Variants in RBFOX1 observed in about 807,000 individuals in gnomAD.
The protein encoded by RBFOX1 is RNA binding protein fox-1 homolog 1.
RBFOX1 carries 8 observed loss-of-function variants against 57.7 expected under a neutral mutation model. That is an observed-to-expected ratio of 0.14 (90% CI 0.08 to 0.25). The LOEUF is 0.25. RBFOX1 is among the 10% of genes least tolerant of loss of function. The pLI, the probability that RBFOX1 is intolerant of heterozygous loss-of-function variation, is 1.00. For synonymous variants in RBFOX1, 326 were observed against 222.4 expected (o/e 1.47, Z -4.15); for missense variants, 611 against 548.5 (o/e 1.11, Z -1.14).
chr16:5,710,268 A>T (rs1047373295), intron 3 of RBFOX1, among the ~76,000 whole-genome samples: 1 of 152,178 alleles, frequency 6.6e-6, no homozygotes, highest in African/African-American at 2.4e-5. Context: ...ACCCAATGTC[A>T]CACAGCTTGT....
chr16:7,684,016 A>C (rs34087164), intron 14 of RBFOX1, among the ~76,000 whole-genome samples: 1 of 152,034 alleles, frequency 6.6e-6, no homozygotes, highest in African/African-American at 2.4e-5. Context: ...GTAGTATACT[A>C]TCTTTCAAGA....
At chr16:5,499,833 A>G (rs1029920370) in intron 2 of RBFOX1, among the ~76,000 whole-genome samples, 3 of 152,098 alleles carry the variant, frequency 2.0e-5, no homozygotes, top group African/African-American at 7.2e-5. Flanking sequence ...TTGGCCTCCC[A>G]AAGTGTTGGG....
rs1016241776 is a variant in RBFOX1, at chr16:6,400,956, T to A, written c.-64+83899T>A. 2.0e-5 allele frequency among the ~76,000 whole-genome samples: 3 copies of A among 152,198 alleles called. No individual in the cohort carries two copies. The South Asian group carries it at 6.2e-4, about 32-fold the overall frequency. On this transcript the variant is annotated intron_variant, in intron 2 of 15. Transcript: ENST00000550418. ...TGGATTGAAATTGGAGCTATCAGTA[T>A]CAATTTAGTTTTTTTAAAGTATATA... is the stretch of plus-strand genomic sequence containing the variant.
intron 1 of RBFOX1, among the ~76,000 whole-genome samples, chr16:6,156,479 G>A (rs2096839317): frequency 6.6e-6 from 1 of 152,192 alleles, no homozygotes; most frequent in African/African-American, 2.4e-5. Flanking sequence ...GATGGGGCAT[G>A]CCCTTGAGAA....
chr16:6,330,797 T>C (rs1402694114), intron 2 of RBFOX1, among the ~76,000 whole-genome samples: 1 of 152,208 alleles, frequency 6.6e-6, no homozygotes. Flanking sequence ...GATAAGAATG[T>C]ATGCAGTGTG....
At chr16:6,410,952 G>A (rs1163553188) in intron 2 of RBFOX1, among the ~76,000 whole-genome samples, 1 of 152,142 alleles carries the variant, frequency 6.6e-6, no homozygotes, top group East Asian at 1.9e-4. Flanking sequence ...GGACACAGCA[G>A]GCATTACCTG....
intron 3 of RBFOX1, among the ~76,000 whole-genome samples, chr16:5,641,641 T>C (rs926335975): frequency 6.6e-6 from 1 of 152,146 alleles, no homozygotes; most frequent in Non-Finnish European, 1.5e-5. Context: ...GGCACTGCAG[T>C]GGCCTGGGGA....
Position 7,455,095 on chromosome 16 carries a change from CA to C in RBFOX1, c.28-63051del, listed in dbSNP as rs1188778273. On this transcript the variant is annotated intron_variant, in intron 4 of 15. Coordinates refer to ENST00000550418, the MANE Select transcript of RBFOX1 (RefSeq NM_018723.4). The stretch of plus-strand genomic sequence containing the variant: ...CAACGGATTCGATAGCAAACCAGAC[CA>C]TTGTATTTTCTGCCATCTTGAAGCC... Among the ~76,000 whole-genome samples the C allele has an allele frequency of 5.3e-5, 8 of 152,264 alleles. No individual in the cohort carries two copies. The East Asian group carries it at 1.5e-3, about 29-fold the overall frequency.
chr16:6,996,183 A>G (rs1003683738), intron 3 of RBFOX1, among the ~76,000 whole-genome samples: 4 of 152,194 alleles, frequency 2.6e-5, no homozygotes, highest in South Asian at 2.1e-4. Flanking sequence ...TTCCCGATAA[A>G]TCATTGCCTT....
intron 4 of RBFOX1, among the ~76,000 whole-genome samples, chr16:7,274,113 A>G (rs967103356): frequency 2.0e-5 from 3 of 152,202 alleles, no homozygotes; most frequent in South Asian, 2.1e-4. Flanking sequence ...CAGGAAACCA[A>G]TTGAGATATT....
intron 14 of RBFOX1, among the ~76,000 whole-genome samples, chr16:7,698,915 G>C (rs978588952): frequency 6.6e-6 from 1 of 152,082 alleles, no homozygotes; most frequent in South Asian, 2.1e-4. Context: ...AAGATGTCTA[G>C]ATAGTCTGAA....
At chr16:6,864,995 C>CTT (rs34341448) in intron 3 of RBFOX1, among the ~76,000 whole-genome samples, 3,550 of 82,154 alleles carry the variant, frequency 0.043, 188 homozygotes, top group African/African-American at 0.11. Flanking sequence ...TTTTCTTTTT[C>CTT]TTTTTTTTTT....
At chr16:6,008,069 G>A (rs2094937800) in intron 4 of RBFOX1, among the ~76,000 whole-genome samples, 1 of 152,088 alleles carries the variant, frequency 6.6e-6, no homozygotes, top group Admixed American at 6.5e-5. Context: ...GCCAGGCATG[G>A]TGGCATGCAC....
intron 1 of RBFOX1, among the ~76,000 whole-genome samples, chr16:5,338,912 C>G (rs2064966190): frequency 6.6e-6 from 1 of 152,158 alleles, no homozygotes; most frequent in Non-Finnish European, 1.5e-5. Context: ...TTTATATTGA[C>G]AAGATTGTAT....
chr16:5,959,408 C>A lies in RBFOX1; in HGVS notation c.351+92073C>A, dbSNP rs9939289. On this transcript the variant is annotated intron_variant, in intron 4 of 19. Coordinates refer to the RBFOX1 transcript ENST00000641259. ...ATTAAAATTTTAAATTGGGTGAATGCAGATTCTACACACGTCATTCCATTG... is the reference window on the plus strand; with the variant it reads ...ATTAAAATTTTAAATTGGGTGAATGAAGATTCTACACACGTCATTCCATTG... Among the ~76,000 whole-genome samples, 1,321 of 152,258 alleles carry A rather than the reference C, an allele frequency of 8.7e-3. 16 individuals carry two copies. The highest frequency in any genetic ancestry group is 0.029 in the African/African-American group (1,211 of 41,546).
intron 1 of RBFOX1, among the ~76,000 whole-genome samples, chr16:5,311,034 C>T (rs1039718610): frequency 6.6e-6 from 1 of 152,160 alleles, no homozygotes; most frequent in Non-Finnish European, 1.5e-5. Flanking sequence ...TGATACCACT[C>T]TGTATGCCTT....
At chr16:6,645,368 C>G (rs1006219631) in intron 2 of RBFOX1, among the ~76,000 whole-genome samples, 2 of 152,146 alleles carry the variant, frequency 1.3e-5, no homozygotes, top group African/African-American at 2.4e-5. Flanking sequence ...TCTAAATCCT[C>G]TGAGGTCTCG....
rs73516611 is a variant in RBFOX1 at position 5,349,312 on chromosome 16, T to C, written c.219+109207T>C. On this transcript the variant is annotated intron_variant, in intron 1 of 2. Coordinates refer to the RBFOX1 transcript ENST00000585867. The stretch of plus-strand genomic sequence containing the variant: ...GTTCATGGGTACAAAGTTTCAGTTA[T>C]GCAAGATGCATATGTTGTAAATGCT... Among the ~76,000 whole-genome samples, 820 of 152,356 alleles carry C rather than the reference T, an allele frequency of 5.4e-3. 7 individuals carry two copies. The highest frequency in any genetic ancestry group is 0.019 in the African/African-American group (783 of 41,586).
chr16:7,015,474 G>T (rs890631437), intron 3 of RBFOX1, among the ~76,000 whole-genome samples: 7 of 152,160 alleles, frequency 4.6e-5, no homozygotes, highest in African/African-American at 1.2e-4. Context: ...TTGCTCATCA[G>T]TGTTCAGACA....
Sources: gnomAD v4.1 joint callset for allele counts (sites outside exome capture counted in the v4.1 genomes callset) on GRCh38, gnomAD v4.1.1 for gene constraint, MANE v1.5 for transcripts, NCBI Gene and HGNC (gene_info 2026-07-23, HGNC 2026-07-21) for gene names.